HDAC8: variants seen among roughly 807,000 people sequenced by gnomAD.
HDAC8 encodes the protein histone deacetylase-like 1.
A neutral mutation model predicts 32.2 loss-of-function variants in HDAC8; 1 was observed. That is an observed-to-expected ratio of 0.03 (90% confidence interval 0.01 to 0.15). HDAC8 has a LOEUF of 0.15. HDAC8 is among the 10% of genes least tolerant of loss of function. The pLI is 1.00. For missense variants in HDAC8, 117 were observed against 300.0 expected (o/e 0.39, Z 4.51); for synonymous variants, 108 against 113.9 (o/e 0.95, Z 0.33).
chrX:72,411,084 G>A (rs1357803970), intron 9 of HDAC8, among the ~76,000 whole-genome samples: 5 of 99,189 alleles, frequency 5.0e-5, no homozygotes, highest in South Asian at 4.6e-4. Flanking sequence ...GGAGTGCAGT[G>A]GTGCAATCTC....
intron 10 of HDAC8, among the ~76,000 whole-genome samples, chrX:72,336,049 G>A (rs782158996): frequency 4.3e-4 from 48 of 111,870 alleles, no homozygotes; most frequent in Non-Finnish European, 6.4e-4. Flanking sequence ...ACTAAGGAGT[G>A]TGATTGCTAG....
intron 10 of HDAC8, among the ~76,000 whole-genome samples, chrX:72,343,650 G>A (rs782550999): frequency 9.1e-6 from 1 of 109,503 alleles, no homozygotes; most frequent in Non-Finnish European, 1.9e-5. Flanking sequence ...CTCCATGATG[G>A]GCAAGGACTT....
intron 4 of HDAC8, among the ~76,000 whole-genome samples, chrX:72,545,051 G>A (rs782624847): frequency 9.0e-6 from 1 of 111,084 alleles, no homozygotes; most frequent in African/African-American, 3.3e-5. Flanking sequence ...TGCCTTATAG[G>A]TATGAGTTGG....
intron 4 of HDAC8, among the ~76,000 whole-genome samples, chrX:72,551,106 C>A (rs1183808430): frequency 9.1e-6 from 1 of 110,342 alleles, no homozygotes; most frequent in Non-Finnish European, 1.9e-5. Context: ...CACACACACA[C>A]ACACACAAAA....
At chrX:72,359,539 A>G (rs1240431316) in intron 9 of HDAC8, among the ~76,000 whole-genome samples, 1 of 110,925 alleles carries the variant, frequency 9.0e-6, no homozygotes, top group Non-Finnish European at 1.9e-5. Flanking sequence ...AATGTTGGAA[A>G]AAGAGAGCAC....
chrX:72,525,469 C>T (rs1556031460), intron 4 of HDAC8, among the ~76,000 whole-genome samples: 1 of 110,398 alleles, frequency 9.1e-6, no homozygotes, highest in Non-Finnish European at 1.9e-5. Context: ...CTTGGCCCCT[C>T]AAATTGGTCT....
intron 10 of HDAC8, among the ~76,000 whole-genome samples, chrX:72,339,196 C>T (rs2043819833): frequency 9.0e-6 from 1 of 111,359 alleles, no homozygotes; most frequent in African/African-American, 3.3e-5. Flanking sequence ...GTATGCACCC[C>T]CGCTCTCATC....
chrX:72,401,798 C>A (rs1240132762), intron 9 of HDAC8, among the ~76,000 whole-genome samples: 1 of 112,288 alleles, frequency 8.9e-6, no homozygotes, highest in African/African-American at 3.2e-5. Context: ...CAAATATTAT[C>A]TTCCATTCTG....
intron 5 of HDAC8, among the ~76,000 whole-genome samples, chrX:72,492,961 A>G (rs1283147103): frequency 8.9e-6 from 1 of 111,932 alleles, no homozygotes; most frequent in Non-Finnish European, 1.9e-5. Context: ...TAAAAAATTA[A>G]TTAGAAATAC....
intron 10 of HDAC8, among the ~76,000 whole-genome samples, chrX:72,338,620 G>T (rs2043786934): frequency 2.1e-5 from 2 of 97,000 alleles, no homozygotes; most frequent in African/African-American, 7.7e-5. Context: ...CTACTTAACA[G>T]CTGTATTAAT....
At chrX:72,363,634 C>A (rs147611003) in intron 9 of HDAC8, among the ~76,000 whole-genome samples, 276 of 110,852 alleles carry the variant, frequency 2.5e-3, no homozygotes, top group Middle Eastern at 4.6e-3. Flanking sequence ...TGCAATGGAG[C>A]AATCTTGGCT....
chrX:72,470,289 C>T lies in HDAC8; in HGVS notation c.738-5558G>A, dbSNP rs140151189. ...TCCACCCCAGAGGTAACTGCTGATT[C>T]ATAGTTTGTTGTGTATCTTTCTAGA... is the stretch of plus-strand genomic sequence containing the variant. On this transcript the variant is annotated intron_variant, in intron 7 of 10. Coordinates refer to ENST00000373573, the MANE Select transcript of HDAC8 (RefSeq NM_018486.3). 4.5e-3 allele frequency among the ~76,000 whole-genome samples: 502 copies of T among 111,587 alleles called. 2 individuals are homozygous for T. Among genetic ancestry groups the T allele is most frequent in the African/African-American group, 9.1e-3 (279 of 30,741 alleles).
intron 9 of HDAC8, among the ~76,000 whole-genome samples, chrX:72,411,218 G>T (rs1452848397): frequency 9.1e-6 from 1 of 109,750 alleles, no homozygotes; most frequent in Non-Finnish European, 1.9e-5. Flanking sequence ...TAGAGACGGG[G>T]TTTCAACCTG....
At chrX:72,402,576 A>G (rs1040117694) in intron 9 of HDAC8, among the ~76,000 whole-genome samples, 8 of 109,803 alleles carry the variant, frequency 7.3e-5, no homozygotes, top group African/African-American at 2.6e-4. Context: ...AGTATTTTCT[A>G]ATTTCCTTTG....
At chrX:72,467,449 G>A (rs1423659255) in intron 7 of HDAC8, 2 of 111,683 alleles carry the variant, frequency 1.8e-5, no homozygotes, top group African/African-American at 3.3e-5. Flanking sequence ...GTAGGGTGAC[G>A]ATAGGGAAGT....
At chrX:72,471,141 T>C (rs1258522966) in intron 7 of HDAC8, among the ~76,000 whole-genome samples, 1 of 112,563 alleles carries the variant, frequency 8.9e-6, no homozygotes, top group Non-Finnish European at 1.9e-5. Context: ...GTCTTCAAGG[T>C]TCATTTGTGT....
chrX:72,437,370 T>G lies in HDAC8; in HGVS notation c.1005+24634A>C, dbSNP rs190758554. Among the ~76,000 whole-genome samples, 3 of 111,696 alleles carry G rather than the reference T, an allele frequency of 2.7e-5. No homozygotes were observed. The East Asian group carries it at 8.5e-4, about 32-fold the overall frequency. ...AGACCAGGAGATTCCCTCAGGTGCC[T>G]ACACCACCAGGGACCTGGGTTTCAA... On this transcript the variant is annotated intron_variant, in intron 9 of 10. Transcript: ENST00000373573.
At chrX:72,358,353 C>T (rs1051975039) in intron 9 of HDAC8, among the ~76,000 whole-genome samples, 4 of 111,663 alleles carry the variant, frequency 3.6e-5, no homozygotes, top group African/African-American at 6.5e-5. Context: ...TTGGCATATC[C>T]GAACTGCCTG....
At chrX:72,436,726 T>C (rs1378953286) in intron 9 of HDAC8, among the ~76,000 whole-genome samples, 3 of 111,391 alleles carry the variant, frequency 2.7e-5, no homozygotes, top group Non-Finnish European at 5.7e-5. Flanking sequence ...TAAATTATGT[T>C]TGATGATTGA....
Sources: gnomAD v4.1 joint callset for allele counts (sites outside exome capture counted in the v4.1 genomes callset) on GRCh38, gnomAD v4.1.1 for gene constraint, MANE v1.5 for transcripts, NCBI Gene and HGNC (gene_info 2026-07-23, HGNC 2026-07-21) for gene names.